Variants in ASCC3 observed in about 807,000 individuals in gnomAD.
ASCC3 encodes the protein ASC-1 complex subunit P200.
Under a neutral mutation model 256.3 loss-of-function variants are expected in ASCC3, and 158 were observed. The observed-to-expected ratio is 0.62, with a 90% confidence interval of 0.54 to 0.70. The LOEUF (loss-of-function observed/expected upper bound fraction) is 0.70. Ranked by LOEUF, ASCC3 falls within the 30% of genes least tolerant of loss-of-function variation. ASCC3 has a pLI of 0.00. For synonymous variants in ASCC3, 948 were observed against 883.4 expected (o/e 1.07, Z -1.30); for missense variants, 2,259 against 2,626.0 (o/e 0.86, Z 3.05).
At chr6:100,552,434 T>C (rs1769345480) in intron 36 of ASCC3, among the ~76,000 whole-genome samples, 1 of 152,038 alleles carries the variant, frequency 6.6e-6, no homozygotes, top group Non-Finnish European at 1.5e-5. Flanking sequence ...TGTGATTGCA[T>C]CATTGAAAAT....
At chr6:100,782,805 T>C (rs1286026182) in intron 8 of ASCC3, among the ~76,000 whole-genome samples, 1 of 152,080 alleles carries the variant, frequency 6.6e-6, no homozygotes, top group East Asian at 1.9e-4. Context: ...AGTATTATAA[T>C]ATGCTATTTT....
At chr6:100,762,336 A>T (rs575484347) in intron 10 of ASCC3, among the ~76,000 whole-genome samples, 1 of 152,350 alleles carries the variant, frequency 6.6e-6, no homozygotes, top group East Asian at 1.9e-4. Flanking sequence ...CCAGGACAGG[A>T]GAAATCTCTA....
At chr6:100,831,542 C>T (rs1420282794) in intron 4 of ASCC3, among the ~76,000 whole-genome samples, 1 of 151,972 alleles carries the variant, frequency 6.6e-6, no homozygotes, top group African/African-American at 2.4e-5. Context: ...GGAACTAGAG[C>T]TAATCTTAAT....
chr6:100,529,100 T>C (rs1365968394), intron 37 of ASCC3, among the ~76,000 whole-genome samples: 1 of 152,034 alleles, frequency 6.6e-6, no homozygotes, highest in Admixed American at 6.6e-5. Flanking sequence ...GCCAAAAAAC[T>C]AACCTAAGGA....
chr6:100,798,286 G>A (rs1769733987), intron 8 of ASCC3, among the ~76,000 whole-genome samples: 1 of 151,648 alleles, frequency 6.6e-6, no homozygotes, highest in African/African-American at 2.4e-5. Context: ...ATTTTCCACA[G>A]GCAAACATTA....
chr6:100,631,130 T>C lies in ASCC3; in HGVS notation c.4206A>G (p.Lys1402=). 6.2e-7 allele frequency: 1 copy of C among 1,606,310 alleles called. No homozygotes were observed. The highest frequency in any genetic ancestry group is 8.5e-7 in the Non-Finnish European group (1 of 1,173,816). The change falls in exon 26 of 42, where the codon AAA becomes AAG. Residue 1402 remains lysine (K), a splice_region_variant and synonymous_variant. Transcript: ENST00000369162. ...WKVRIEEKLG[K]KVIELTGDVT... ...TTTGAGTAAAAGTAAGAACTTACTT[T>C]TTACCAAGTTTTTCTTCTATTCTAA...
chr6:100,810,610 A>G (rs545492161), intron 4 of ASCC3, among the ~76,000 whole-genome samples: 4 of 152,174 alleles, frequency 2.6e-5, no homozygotes, highest in Non-Finnish European at 5.9e-5. Context: ...TTTCTAAATA[A>G]AAGTAAATAT....
At chr6:100,737,189 GAATGAATATA>G (rs1780214820) in intron 10 of ASCC3, among the ~76,000 whole-genome samples, 1 of 150,114 alleles carries the variant, frequency 6.7e-6, no homozygotes, top group Non-Finnish European at 1.5e-5. Context: ...GGTGGGTAGG[GAATGAATATA>G]AATTGAACAT....
chr6:100,860,213 T>G (rs1021285122), intron 3 of ASCC3, among the ~76,000 whole-genome samples: 1 of 152,052 alleles, frequency 6.6e-6, no homozygotes, highest in Non-Finnish European at 1.5e-5. Context: ...CAAAGTTTCA[T>G]TGCCAACAGA....
intron 13 of ASCC3, chr6:100,715,251 G>T (rs769371987): frequency 4.6e-5 from 21 of 453,252 alleles, no homozygotes; most frequent in Non-Finnish European, 7.8e-5. Context: ...AAAATAGCAC[G>T]ACCTATCAAT....
intron 8 of ASCC3, among the ~76,000 whole-genome samples, chr6:100,769,617 G>A (rs922263036): frequency 5.3e-5 from 8 of 151,278 alleles, no homozygotes; most frequent in Non-Finnish European, 1.0e-4. Context: ...GCAGAATAAA[G>A]GAAATAATTA....
At chr6:100,873,691 T>A (rs557094723) in intron 1 of ASCC3, among the ~76,000 whole-genome samples, 1 of 152,260 alleles carries the variant, frequency 6.6e-6, no homozygotes, top group African/African-American at 2.4e-5. Context: ...CAGCAGAAAC[T>A]CTACAAGCTA....
At position 100,728,378 on chromosome 6, in the gene ASCC3, T is replaced by A. The variant is rs1779736155; in HGVS notation, c.1738-2675A>T. 2.0e-5 allele frequency among the ~76,000 whole-genome samples: 3 copies of A among 151,850 alleles called. No homozygotes were observed. In the South Asian group the frequency reaches 6.2e-4, roughly 31 times the overall value. Reference sequence around the variant, plus strand: ...AGAGGATGTAGAGCAACTAGAACTCTCCTAAAGTAACGGTGGAATATAAAC... The same window carrying A: ...AGAGGATGTAGAGCAACTAGAACTCACCTAAAGTAACGGTGGAATATAAAC... On this transcript the variant is annotated intron_variant, in intron 10 of 41. Transcript: ENST00000369162.
chr6:100,703,220 A>G (rs963064447), intron 13 of ASCC3, among the ~76,000 whole-genome samples: 20 of 152,226 alleles, frequency 1.3e-4, no homozygotes, highest in African/African-American at 3.6e-4. Flanking sequence ...AAATTTAAAA[A>G]CGTAAGAGGA....
At position 100,607,691 on chromosome 6, in the gene ASCC3, A is replaced by C. The variant is rs79196318; in HGVS notation, c.4786-603T>G. Among the ~76,000 whole-genome samples, 1,514 of 151,888 alleles carry C rather than the reference A, an allele frequency of 1.0e-2. 16 individuals carry two copies. The highest frequency in any genetic ancestry group is 0.017 in the Non-Finnish European group (1,158 of 67,810). On this transcript the variant is annotated intron_variant, in intron 30 of 41. Coordinates refer to ENST00000369162, the MANE Select transcript of ASCC3 (RefSeq NM_006828.4). ...TAGTAAATACTATTATTCATCCTAT[A>C]TGTAAATTTAGTAATGATAAAAGGA...
intron 37 of ASCC3, among the ~76,000 whole-genome samples, chr6:100,523,778 T>G (rs982611042): frequency 6.6e-6 from 1 of 152,208 alleles, no homozygotes; most frequent in Admixed American, 6.5e-5. Flanking sequence ...CTTTTCTTCT[T>G]ATCTTCCACA....
At chr6:100,670,577 A>T (rs1582667793) in intron 14 of ASCC3, among the ~76,000 whole-genome samples, 1 of 104,638 alleles carries the variant, frequency 9.6e-6, no homozygotes, top group Non-Finnish European at 1.9e-5. Flanking sequence ...CCCCCCCCCA[A>T]ATTCTTTTAA....
At chr6:100,747,845 C>T (rs1258692060) in intron 10 of ASCC3, among the ~76,000 whole-genome samples, 1 of 151,752 alleles carries the variant, frequency 6.6e-6, no homozygotes, top group East Asian at 1.9e-4. Flanking sequence ...ATTAGTTATA[C>T]CTCAATAAAG....
chr6:100,718,350 C>T, intron 11 of ASCC3, 99 bp from the exon 12 acceptor site: 1 of 990,986 alleles, frequency 1.0e-6, no homozygotes, highest in Non-Finnish European at 1.5e-6. Context: ...AAACTCTAGA[C>T]AGAGATGAGT....
Sources: allele counts gnomAD v4.1 joint callset (sites outside exome capture counted in the v4.1 genomes callset), GRCh38; gene constraint gnomAD v4.1.1; transcripts MANE v1.5; gene names NCBI Gene and HGNC (gene_info 2026-07-23, HGNC 2026-07-21).